The following GSK3B variants were observed in gnomAD, a reference collection of about 807,000 sequenced individuals.
The protein encoded by GSK3B is glycogen synthase kinase 3 beta, also known as glycogen synthase kinase-3 beta.
Under a neutral mutation model 56.4 loss-of-function variants are expected in GSK3B, and 15 were observed. That is an observed-to-expected ratio of 0.27 (90% CI 0.18 to 0.41). The LOEUF is 0.41. GSK3B is among the 10% of genes least tolerant of loss of function. The probability of loss-of-function intolerance (pLI) is 1.00; values close to 1 mark genes in which losing one functional copy is unlikely to be tolerated. For synonymous variants in GSK3B, 181 were observed against 188.9 expected (o/e 0.96, Z 0.34); for missense variants, 300 against 513.4 (o/e 0.58, Z 4.02).
chr3:119,894,420 TA>T (rs2056538962), intron 7 of GSK3B, among the ~76,000 whole-genome samples: 1 of 152,112 alleles, frequency 6.6e-6, no homozygotes, highest in South Asian at 2.1e-4. Flanking sequence ...TCACCAACAT[TA>T]GTTACTGTCT....
chr3:120,053,906 T>A (rs2058171866), intron 1 of GSK3B, among the ~76,000 whole-genome samples: 1 of 152,162 alleles, frequency 6.6e-6, no homozygotes, highest in Non-Finnish European at 1.5e-5. Context: ...GAACTGTGAG[T>A]CCATTAAACC....
intron 9 of GSK3B, among the ~76,000 whole-genome samples, chr3:119,862,769 T>C (rs1474245361): frequency 6.6e-6 from 1 of 150,588 alleles, no homozygotes; most frequent in Non-Finnish European, 1.5e-5. Flanking sequence ...AATGAATCAC[T>C]TAGGTCTTAA....
In GSK3B at chr3:119,825,187, GC is replaced by G. The variant is rs1252283099; in HGVS notation, c.*1600del. 1 of 222,804 alleles carries G rather than the reference GC, an allele frequency of 4.5e-6. No homozygotes were observed. Among genetic ancestry groups the G allele is most frequent in the Non-Finnish European group, 9.0e-6 (1 of 111,564 alleles). 13.8% of individuals were successfully genotyped at this position (222,804 alleles called of 1,614,324 possible). Reference sequence around the variant, plus strand: ...TTAAAGATTCATAGGTCAAGTAATGGCCCATAAGCACCAAGGTGACTAAAGT... The same window carrying G: ...TTAAAGATTCATAGGTCAAGTAATGGCCATAAGCACCAAGGTGACTAAAGT... On this transcript the variant is annotated 3_prime_UTR_variant, in exon 11 of 11. Transcript: ENST00000264235.
rs189934070 is a variant in GSK3B at position 119,986,877 on chromosome 3, T to G, written c.282+15169A>C. Among the ~76,000 whole-genome samples, 34 of 152,310 alleles carry G rather than the reference T, an allele frequency of 2.2e-4. 1 individual carries two copies. Among genetic ancestry groups the G allele is most frequent in the Admixed American group, 2.2e-3 (34 of 15,302 alleles). On this transcript the variant is annotated intron_variant, in intron 2 of 10. Coordinates refer to ENST00000264235, the MANE Select transcript of GSK3B (RefSeq NM_001146156.2). ...TAAATCATGCTACTATAAAGACACATGCACACGTTTGTTTATTGTGGCACT... is the reference window on the plus strand; with the variant it reads ...TAAATCATGCTACTATAAAGACACAGGCACACGTTTGTTTATTGTGGCACT...
intron 1 of GSK3B, among the ~76,000 whole-genome samples, chr3:120,073,989 C>T (rs1379158152): frequency 1.3e-5 from 2 of 152,058 alleles, no homozygotes; most frequent in East Asian, 3.9e-4. Flanking sequence ...AAAGTGGAGA[C>T]ATTACAATAG....
At chr3:120,023,852 T>A (rs2057900619) in intron 1 of GSK3B, among the ~76,000 whole-genome samples, 1 of 152,192 alleles carries the variant, frequency 6.6e-6, no homozygotes. Context: ...ATGCAGCACC[T>A]TCCTGAAACA....
At chr3:120,036,086 A>G (rs923301315) in intron 1 of GSK3B, among the ~76,000 whole-genome samples, 9 of 152,338 alleles carry the variant, frequency 5.9e-5, no homozygotes, top group African/African-American at 2.2e-4. Flanking sequence ...TTTGCCATTA[A>G]CTATGTATTA....
intron 3 of GSK3B, among the ~76,000 whole-genome samples, chr3:119,934,795 T>C (rs2056978787): frequency 6.6e-6 from 1 of 152,152 alleles, no homozygotes; most frequent in Non-Finnish European, 1.5e-5. Flanking sequence ...TATTACTAAT[T>C]TACATATAAT....
At chr3:119,929,237 G>A (rs1199390119) in intron 3 of GSK3B, among the ~76,000 whole-genome samples, 1 of 152,196 alleles carries the variant, frequency 6.6e-6, no homozygotes, top group Non-Finnish European at 1.5e-5. Flanking sequence ...CAATTGGTGT[G>A]AAAAGGATTG....
At chr3:119,861,773 TA>T (rs896093987) in intron 9 of GSK3B, among the ~76,000 whole-genome samples, 8 of 152,202 alleles carry the variant, frequency 5.3e-5, no homozygotes, top group African/African-American at 1.9e-4. Context: ...CTTTCAATAA[TA>T]TACTTAGTAT....
intron 10 of GSK3B, among the ~76,000 whole-genome samples, chr3:119,836,545 C>T (rs2055693335): frequency 6.6e-6 from 1 of 152,082 alleles, no homozygotes; most frequent in East Asian, 1.9e-4. Context: ...TATTTAGGCA[C>T]TAGAAATTTC....
In GSK3B at chr3:119,941,420, C is replaced by T. The variant is rs2057047999; in HGVS notation, c.366+5848G>A. On this transcript the variant is annotated intron_variant, in intron 3 of 10. Transcript: ENST00000264235. The stretch of plus-strand genomic sequence containing the variant: ...CACTGCTTCTGGAGGAATGTACGTC[C>T]TATGCTAAACACTATAGCATACTAT... 2.0e-5 allele frequency among the ~76,000 whole-genome samples: 3 copies of T among 152,248 alleles called. No homozygotes were observed. In the South Asian group the frequency reaches 6.2e-4, roughly 32 times the overall value.
chr3:119,921,419 A>G (rs2056838480), intron 4 of GSK3B, among the ~76,000 whole-genome samples: 1 of 152,246 alleles, frequency 6.6e-6, no homozygotes, highest in Non-Finnish European at 1.5e-5. Flanking sequence ...AGGAAAAGAA[A>G]GACATTATGT....
At chr3:120,040,565 A>C (rs1242555807) in intron 1 of GSK3B, among the ~76,000 whole-genome samples, 1 of 152,150 alleles carries the variant, frequency 6.6e-6, no homozygotes, top group Non-Finnish European at 1.5e-5. Context: ...AAGAATAGGC[A>C]AGAAGTCTTT....
At chr3:120,001,768 G>A (rs890159203) in intron 2 of GSK3B, among the ~76,000 whole-genome samples, 2 of 152,114 alleles carry the variant, frequency 1.3e-5, no homozygotes, top group African/African-American at 4.8e-5. Flanking sequence ...ACTTTTTATA[G>A]TATAAATTAA....
At chr3:119,971,653 C>CAG in intron 2 of GSK3B, among the ~76,000 whole-genome samples, 1 of 123,086 alleles carries the variant, frequency 8.1e-6, no homozygotes, top group Non-Finnish European at 1.6e-5. Context: ...GCTCTGTCGC[C>CAG]CAGGCTGGAG....
intron 7 of GSK3B, among the ~76,000 whole-genome samples, chr3:119,897,731 ATCAG>A (rs1452170293): frequency 1.6e-4 from 24 of 150,234 alleles, no homozygotes; most frequent in Admixed American, 1.4e-3. Context: ...AACTAACACA[ATCAG>A]TCAGTCAAGA....
intron 1 of GSK3B, among the ~76,000 whole-genome samples, chr3:120,047,129 G>A (rs527712880): frequency 1.3e-5 from 2 of 152,162 alleles, no homozygotes; most frequent in African/African-American, 4.8e-5. Flanking sequence ...ACCTTTTCAC[G>A]ATAGGCAAAC....
At chr3:119,905,950 A>G (rs1576189387) in intron 6 of GSK3B, 98 bp from the exon 7 acceptor site, 2 of 741,690 alleles carry the variant, frequency 2.7e-6, no homozygotes, top group East Asian at 2.4e-5. Context: ...CACAGAGTAA[A>G]TATCACAGGA....
Sources: allele counts gnomAD v4.1 joint callset (sites outside exome capture counted in the v4.1 genomes callset), GRCh38; gene constraint gnomAD v4.1.1; transcripts MANE v1.5; gene names NCBI Gene and HGNC (gene_info 2026-07-23, HGNC 2026-07-21).